WNT7A: variants seen among roughly 807,000 people sequenced by gnomAD.
WNT7A encodes Wnt family member 7A, also known as protein Wnt-7a.
In WNT7A, 16 loss-of-function variants were observed where a neutral mutation model predicts 28.2. The ratio of observed to expected loss-of-function variants is 0.57; its 90% CI spans 0.38 to 0.86. The LOEUF is 0.86. Ranked by LOEUF, WNT7A falls within the 40% of genes least tolerant of loss-of-function variation. The pLI, the probability that WNT7A is intolerant of heterozygous loss-of-function variation, is 0.00. For missense variants in WNT7A, 411 were observed against 489.7 expected (o/e 0.84, Z 1.52); for synonymous variants, 190 against 195.9 (o/e 0.97, Z 0.25).
rs547024886 is a variant in WNT7A at position 13,819,115 on chromosome 3, G to A, written c.879C>T (p.Ala293=). 1 of 1,614,212 alleles carries A rather than the reference G, an allele frequency of 6.2e-7. No individual in the cohort carries two copies. The highest frequency in any genetic ancestry group is 1.3e-5 in the African/African-American group (1 of 75,068). The change falls in exon 4 of 4, where the codon GCC becomes GCT. Residue 293 remains alanine, a synonymous_variant. Coordinates refer to ENST00000285018, the MANE Select transcript of WNT7A (RefSeq NM_004625.4). The part of the protein sequence containing the change: ...VTGSVGTQGR[A]CNKTAPQASG... Reference sequence around the variant, plus strand: ...TGGCCTGGGGAGCCGTCTTGTTGCAGGCGCGGCCCTGGGTGCCCACACTGC... The same window carrying A: ...TGGCCTGGGGAGCCGTCTTGTTGCAAGCGCGGCCCTGGGTGCCCACACTGC...
chr3:13,824,783 C>T (rs1694166875), intron 3 of WNT7A, among the ~76,000 whole-genome samples: 1 of 152,222 alleles, frequency 6.6e-6, no homozygotes. Flanking sequence ...AATTCCACTA[C>T]TGAATATGTA....
intron 2 of WNT7A, among the ~76,000 whole-genome samples, chr3:13,872,825 A>G (rs1281787744): frequency 6.6e-6 from 1 of 152,114 alleles, no homozygotes; most frequent in East Asian, 1.9e-4. Context: ...CAGTTGATAT[A>G]CTGACTGTTC....
chr3:13,824,991 G>A (rs906641801), intron 3 of WNT7A, among the ~76,000 whole-genome samples: 1 of 152,210 alleles, frequency 6.6e-6, no homozygotes, highest in African/African-American at 2.4e-5. Flanking sequence ...CAAGGACACT[G>A]TGCAAGGTCC....
chr3:13,830,870 C>T (rs920466494), intron 3 of WNT7A, among the ~76,000 whole-genome samples: 6 of 152,194 alleles, frequency 3.9e-5, no homozygotes, highest in Admixed American at 6.5e-5. Flanking sequence ...CCCCTGACTA[C>T]GCCATCTCCC....
At chr3:13,879,153 A>C (rs2008350) in intron 1 of WNT7A, among the ~76,000 whole-genome samples, 9,387 of 151,846 alleles carry the variant, frequency 0.062, 551 homozygotes, top group East Asian at 0.21. Flanking sequence ...GGGCTCTGGG[A>C]GTCTAAGGGC....
chr3:13,846,676 C>T (rs1463695084), intron 3 of WNT7A, among the ~76,000 whole-genome samples: 1 of 152,176 alleles, frequency 6.6e-6, no homozygotes, highest in African/African-American at 2.4e-5. Context: ...TAGCAAGTTC[C>T]TTCTCACTTG....
intron 2 of WNT7A, among the ~76,000 whole-genome samples, chr3:13,870,627 A>G (rs766358809): frequency 3.3e-5 from 5 of 152,212 alleles, no homozygotes; most frequent in Non-Finnish European, 7.3e-5. Flanking sequence ...TGGGCACACA[A>G]CCAAAAGTAA....
chr3:13,868,592 G>GAA (rs1559306974), intron 2 of WNT7A, among the ~76,000 whole-genome samples: 273 of 16,886 alleles, frequency 0.016, 49 homozygotes, highest in Non-Finnish European at 0.018. Flanking sequence ...GAGAGAGAGG[G>GAA]AGAAAGAAAG....
intron 3 of WNT7A, among the ~76,000 whole-genome samples, chr3:13,830,927 A>T (rs1485325519): frequency 6.6e-6 from 1 of 152,200 alleles, no homozygotes. Flanking sequence ...CTTGAGCTCC[A>T]GCTTTGTCTC....
At chr3:13,843,758 T>C (rs538992325) in intron 3 of WNT7A, among the ~76,000 whole-genome samples, 16,373 of 151,024 alleles carry the variant, frequency 0.11, 975 homozygotes, top group Middle Eastern at 0.2. Flanking sequence ...TTTTTTTTTT[T>C]TCCCCTGAGA....
chr3:13,839,839 A>G (rs1423101928), intron 3 of WNT7A, among the ~76,000 whole-genome samples: 1 of 152,202 alleles, frequency 6.6e-6, no homozygotes, highest in African/African-American at 2.4e-5. Context: ...GTTGTAAACC[A>G]TTGAGAGCGT....
intron 1 of WNT7A, among the ~76,000 whole-genome samples, chr3:13,877,458 C>G (rs2124881516): frequency 6.6e-6 from 1 of 152,366 alleles, no homozygotes; most frequent in East Asian, 1.9e-4. Context: ...CATCATTTGT[C>G]AGGAGGACCC....
intron 2 of WNT7A, among the ~76,000 whole-genome samples, chr3:13,864,840 GCT>G: frequency 6.6e-6 from 1 of 152,288 alleles, no homozygotes; most frequent in African/African-American, 2.4e-5. Context: ...GTATGTGCAT[GCT>G]TTCCTGTACT....
intron 2 of WNT7A, among the ~76,000 whole-genome samples, chr3:13,868,144 A>T (rs1334025249): frequency 1.3e-5 from 2 of 152,174 alleles, no homozygotes; most frequent in African/African-American, 4.8e-5. Flanking sequence ...GGAGGCTCAC[A>T]AACGTGGATG....
In WNT7A at chr3:13,879,892, T is replaced by G; in HGVS notation, c.-76A>C. 1 of 1,229,076 alleles carries G rather than the reference T, an allele frequency of 8.1e-7. No individual in the cohort carries two copies. The highest frequency in any genetic ancestry group is 1.1e-6 in the Non-Finnish European group (1 of 945,926). The allele number at this position is 1,229,076 out of a possible 1,614,324, so 76.1% of individuals were successfully genotyped here. On this transcript the variant is annotated 5_prime_UTR_variant, in exon 1 of 4. An upstream start codon of the reference 5' UTR is lost. Transcript: ENST00000285018. The stretch of plus-strand genomic sequence containing the variant: ...GCCGGCCCCGGCGGGGCAATCAACA[T>G]AGCCCGCCCGGGAGGCGCGAGCCGA...
At chr3:13,837,033 T>C (rs549256903) in intron 3 of WNT7A, among the ~76,000 whole-genome samples, 2 of 152,112 alleles carry the variant, frequency 1.3e-5, no homozygotes, top group Non-Finnish European at 2.9e-5. Context: ...CCCAGCACAC[T>C]GCAGGGCATT....
At chr3:13,833,882 C>A (rs527476058) in intron 3 of WNT7A, among the ~76,000 whole-genome samples, 2 of 152,364 alleles carry the variant, frequency 1.3e-5, no homozygotes, top group Non-Finnish European at 2.9e-5. Context: ...TTCCACCACA[C>A]GCTAACTTAA....
intron 1 of WNT7A, among the ~76,000 whole-genome samples, chr3:13,877,893 C>T (rs1171438025): frequency 6.6e-6 from 1 of 152,226 alleles, no homozygotes; most frequent in East Asian, 1.9e-4. Flanking sequence ...CGCAGATGCC[C>T]CACCATCAGC....
chr3:13,819,173 G>A lies in WNT7A; in HGVS notation c.821C>T (p.Ser274Leu), dbSNP rs1694069385. ...CGGGTCCTCCTCGCAGTAGTTGGGC[G>A]ACTTCTCGATGTACACCAGGTCCGT... is the stretch of plus-strand genomic sequence containing the variant. ...MDTDLVYIEK[S>L]PNYCEEDPVT... The change falls in exon 4 of 4, where the codon TCG becomes TTG. Residue 274 changes from serine to leucine, a missense_variant. Physicochemically the swap from Ser to Leu is moderately radical, Grantham distance 145. Transcript: ENST00000285018. 1 of 1,614,204 alleles carries A rather than the reference G, an allele frequency of 6.2e-7. No homozygotes were observed. Among genetic ancestry groups the A allele is most frequent in the Non-Finnish European group, 8.5e-7 (1 of 1,180,028 alleles).
Sources: gnomAD v4.1 joint callset for allele counts (sites outside exome capture counted in the v4.1 genomes callset) on GRCh38, gnomAD v4.1.1 for gene constraint, MANE v1.5 for transcripts, NCBI Gene and HGNC (gene_info 2026-07-23, HGNC 2026-07-21) for gene names.